The following GPR158 variants were observed in gnomAD, a reference collection of about 807,000 sequenced individuals.
The protein encoded by GPR158 is metabotropic glycine receptor.
In GPR158, 30 loss-of-function variants were observed where a neutral mutation model predicts 78.2. The ratio of observed to expected loss-of-function variants is 0.38; its 90% confidence interval spans 0.29 to 0.52. The LOEUF is 0.52. GPR158 is among the 20% of genes least tolerant of loss of function. The probability of loss-of-function intolerance (pLI) is 0.83; values close to 1 mark genes in which losing one functional copy is unlikely to be tolerated. For synonymous variants in GPR158, 581 were observed against 591.1 expected (o/e 0.98, Z 0.25); for missense variants, 1,463 against 1,523.5 (o/e 0.96, Z 0.66).
intron 5 of GPR158, among the ~76,000 whole-genome samples, chr10:25,471,392 C>T (rs1300883207): frequency 6.6e-6 from 1 of 152,134 alleles, no homozygotes. Context: ...CAAGTCTTTG[C>T]TATTGTGAAT....
intron 4 of GPR158, among the ~76,000 whole-genome samples, chr10:25,461,620 C>T (rs1361519758): frequency 2.0e-5 from 3 of 152,088 alleles, no homozygotes; most frequent in African/African-American, 4.8e-5. Flanking sequence ...AGCTGCAGCA[C>T]GTCACTCAGA....
intron 4 of GPR158, among the ~76,000 whole-genome samples, chr10:25,420,455 CA>C (rs1001657839): frequency 5.3e-5 from 8 of 152,110 alleles, no homozygotes; most frequent in African/African-American, 1.9e-4. Flanking sequence ...ACTTGGCCCC[CA>C]GTGTCTTTAA....
At chr10:25,497,782 T>C (rs914845128) in intron 5 of GPR158, among the ~76,000 whole-genome samples, 16 of 152,350 alleles carry the variant, frequency 1.1e-4, no homozygotes, top group African/African-American at 3.6e-4. Context: ...TAAATTTTTA[T>C]GTGTACTGTA....
At chr10:25,495,871 T>C (rs1412834275) in intron 5 of GPR158, among the ~76,000 whole-genome samples, 1 of 152,110 alleles carries the variant, frequency 6.6e-6, no homozygotes, top group Non-Finnish European at 1.5e-5. Context: ...TATCATTTCC[T>C]TTAGAGCAGG....
At chr10:25,253,027 C>T (rs28669192) in intron 2 of GPR158, among the ~76,000 whole-genome samples, 33,094 of 140,436 alleles carry the variant, frequency 0.24, 6,191 homozygotes, top group African/African-American at 0.53. Context: ...TGTGCCGTTT[C>T]TTAAGCCGGT....
chr10:25,581,566 A>G (rs1262589367), intron 7 of GPR158, among the ~76,000 whole-genome samples: 1 of 150,346 alleles, frequency 6.7e-6, no homozygotes, highest in Non-Finnish European at 1.5e-5. Context: ...TTATTCAAAT[A>G]ACTGTGCCTC....
chr10:25,476,384 G>GTTTTTTTTTTTTTTTTTTTTTTT (rs56271781), intron 5 of GPR158, among the ~76,000 whole-genome samples: 1 of 144,436 alleles, frequency 6.9e-6, no homozygotes, highest in Non-Finnish European at 1.5e-5. Context: ...TTTAATAAGG[G>GTTTTTTTTTTTTTTTTTTTTTTT]TTTTTTTTTT....
chr10:25,373,121 A>G (rs1467975656), intron 2 of GPR158, among the ~76,000 whole-genome samples: 2 of 151,918 alleles, frequency 1.3e-5, no homozygotes, highest in Non-Finnish European at 1.5e-5. Flanking sequence ...GTGCAGCCAT[A>G]AAATAGGAGA....
chr10:25,411,096 T>G (rs561234901), intron 3 of GPR158, among the ~76,000 whole-genome samples: 113 of 152,030 alleles, frequency 7.4e-4, no homozygotes, highest in African/African-American at 2.6e-3. Context: ...TTGTTTCTGT[T>G]TTGTTTTTTT....
intron 6 of GPR158, among the ~76,000 whole-genome samples, chr10:25,563,403 A>G (rs1334798924): frequency 6.6e-6 from 1 of 152,158 alleles, no homozygotes; most frequent in Non-Finnish European, 1.5e-5. Flanking sequence ...AATCTCTTCT[A>G]CCATTTCTAC....
At chr10:25,315,201 A>G (rs1251560962) in intron 2 of GPR158, among the ~76,000 whole-genome samples, 3 of 152,114 alleles carry the variant, frequency 2.0e-5, no homozygotes, top group African/African-American at 7.2e-5. Flanking sequence ...TTTTACTCTT[A>G]CTGAAAGTGA....
chr10:25,334,584 G>C (rs974602080), intron 2 of GPR158, among the ~76,000 whole-genome samples: 1 of 151,848 alleles, frequency 6.6e-6, no homozygotes, highest in African/African-American at 2.4e-5. Context: ...TAGAATGTAC[G>C]ATATCTGAAG....
At chr10:25,193,030 C>T (rs370217081) in intron 1 of GPR158, among the ~76,000 whole-genome samples, 18 of 152,136 alleles carry the variant, frequency 1.2e-4, no homozygotes, top group East Asian at 3.9e-4. Flanking sequence ...TTTCAATTTA[C>T]GTATTTTCAA....
intron 2 of GPR158, among the ~76,000 whole-genome samples, chr10:25,362,308 G>A (rs1855651770): frequency 6.6e-6 from 1 of 151,796 alleles, no homozygotes; most frequent in African/African-American, 2.4e-5. Flanking sequence ...TATTCCATTG[G>A]CTTACATGTC....
intron 2 of GPR158, among the ~76,000 whole-genome samples, chr10:25,346,825 C>T (rs1855378145): frequency 6.6e-6 from 1 of 151,864 alleles, no homozygotes; most frequent in Non-Finnish European, 1.5e-5. Context: ...TTTCTGCTAT[C>T]CTCCAGTATA....
chr10:25,491,164 G>A (rs1259452937), intron 5 of GPR158, among the ~76,000 whole-genome samples: 1 of 152,092 alleles, frequency 6.6e-6, no homozygotes, highest in Middle Eastern at 3.2e-3. Context: ...TCACATCAAA[G>A]CTTTTCTATA....
At chr10:25,254,013 G>T (rs1853854006) in intron 2 of GPR158, among the ~76,000 whole-genome samples, 1 of 152,170 alleles carries the variant, frequency 6.6e-6, no homozygotes, top group African/African-American at 2.4e-5. Context: ...CAAATGGAAG[G>T]ATATGTGTGT....
chr10:25,252,920 C>T (rs1416307626), intron 2 of GPR158, among the ~76,000 whole-genome samples: 1 of 152,214 alleles, frequency 6.6e-6, no homozygotes, highest in Non-Finnish European at 1.5e-5. Flanking sequence ...AGCCTCGCTG[C>T]CGCCTTGCAG....
chr10:25,476,178 C>T (rs557111242), intron 5 of GPR158, among the ~76,000 whole-genome samples: 96 of 152,052 alleles, frequency 6.3e-4, no homozygotes, highest in African/African-American at 2.0e-3. Flanking sequence ...CATTTGTGAA[C>T]GAGTGATCAC....
Sources: gnomAD v4.1 joint callset for allele counts (sites outside exome capture counted in the v4.1 genomes callset) on GRCh38, gnomAD v4.1.1 for gene constraint, MANE v1.5 for transcripts, NCBI Gene and HGNC (gene_info 2026-07-23, HGNC 2026-07-21) for gene names.